Variants in MSANTD5 observed in about 807,000 individuals in gnomAD.
The protein encoded by MSANTD5 is uncharacterized protein MSANTD5.
At chr5:178,695,377 G>T (rs1765401160) in exon 3 of MSANTD5, 1 of 152,200 alleles carries the variant, frequency 6.6e-6, no homozygotes, top group Non-Finnish European at 1.5e-5. Context: ...CTTGGCCTCT[G>T]GTTGGCCTCC....
In MSANTD5 at chr5:178,695,613, G is replaced by C. The variant is rs906683294; in HGVS notation, c.92-15C>G. 6.6e-6 allele frequency: 1 copy of C among 152,288 alleles called. No homozygotes were observed. The highest frequency in any genetic ancestry group is 2.4e-5 in the African/African-American group (1 of 41,552). 9.4% of individuals were successfully genotyped at this position (152,288 alleles called of 1,614,324 possible). On this transcript the variant is annotated splice_polypyrimidine_tract_variant and intron_variant, in intron 2 of 3. Coordinates refer to ENST00000648368, the Ensembl canonical transcript of MSANTD5. ...AACTGACTGGACTGGAAGGAAAGAG[G>C]AATATGGATGTACTTGGCATAACTC...
downstream of MSANTD5, among the ~76,000 whole-genome samples, chr5:178,693,127 T>C (rs867288385): frequency 9.9e-5 from 15 of 151,908 alleles, 1 homozygote; most frequent in Middle Eastern, 0.01. Context: ...CTGACCAACA[T>C]AGAGAAACCC....
upstream of MSANTD5, among the ~76,000 whole-genome samples, chr5:178,697,945 CGGCAG>C (rs1256580427): frequency 3.3e-5 from 5 of 152,164 alleles, no homozygotes; most frequent in Non-Finnish European, 7.4e-5. Context: ...GAGATCAACT[CGGCAG>C]GGGTTCTAAG....
chr5:178,692,117 T>A (rs74982486), downstream of MSANTD5, among the ~76,000 whole-genome samples: 2 of 129,892 alleles, frequency 1.5e-5, 1 homozygote, highest in Non-Finnish European at 3.4e-5. Context: ...CTGTGGCTCA[T>A]GCCTGTAATC....
At chr5:178,693,391 T>C (rs968260566), downstream of MSANTD5, among the ~76,000 whole-genome samples, 2 of 152,084 alleles carry the variant, frequency 1.3e-5, no homozygotes, top group African/African-American at 2.4e-5. Context: ...TGAAGCCATG[T>C]ACCTTCGCGG....
At chr5:178,703,768 G>T in the MSANTD5 span, among the ~76,000 whole-genome samples, 3,353 of 152,104 alleles carry the variant, frequency 0.022, 58 homozygotes, top group Non-Finnish European at 0.034. Flanking sequence ...GGATCATGAG[G>T]TCAGGAGATC....
At chr5:178,698,097 T>G (rs1765438469), upstream of MSANTD5, among the ~76,000 whole-genome samples, 1 of 152,154 alleles carries the variant, frequency 6.6e-6, no homozygotes, top group Non-Finnish European at 1.5e-5. Flanking sequence ...TTAATTGCGA[T>G]GTAAGGATTA....
At chr5:178,703,892 A>G in the MSANTD5 span, among the ~76,000 whole-genome samples, 1 of 151,750 alleles carries the variant, frequency 6.6e-6, no homozygotes, top group Non-Finnish European at 1.5e-5. Context: ...GAGGCAGGAG[A>G]ATTGCTTGAA....
At chr5:178,693,080 C>T (rs182541017), downstream of MSANTD5, among the ~76,000 whole-genome samples, 13 of 151,990 alleles carry the variant, frequency 8.6e-5, no homozygotes, top group South Asian at 1.0e-3. Flanking sequence ...GAGGCTGAGG[C>T]GGGCGGATCA....
downstream of MSANTD5, among the ~76,000 whole-genome samples, chr5:178,694,407 C>T (rs1249501052): frequency 6.6e-6 from 1 of 151,906 alleles, no homozygotes; most frequent in African/African-American, 2.4e-5. Flanking sequence ...AAAAGTTATC[C>T]CTTACTACAA....
upstream of MSANTD5, among the ~76,000 whole-genome samples, chr5:178,702,551 G>A (rs1169339474): frequency 9.9e-5 from 15 of 150,808 alleles, no homozygotes; most frequent in Admixed American, 2.6e-4. Flanking sequence ...CGCCTGCCTC[G>A]CCCTCCCAAA....
chr5:178,697,265 T>C (rs113520342), intron 1 of MSANTD5, among the ~76,000 whole-genome samples: 1 of 150,878 alleles, frequency 6.6e-6, no homozygotes, highest in Non-Finnish European at 1.5e-5. Flanking sequence ...CCATCCTGGC[T>C]AACACGGTGA....
At chr5:178,693,496 A>C (rs866507812), downstream of MSANTD5, among the ~76,000 whole-genome samples, 2 of 152,006 alleles carry the variant, frequency 1.3e-5, no homozygotes, top group Non-Finnish European at 2.9e-5. Flanking sequence ...GGTCTCACTG[A>C]CTTCAACAAT....
exon 1 of MSANTD5, chr5:178,697,686 C>G (rs1219193063): frequency 1.3e-5 from 2 of 152,166 alleles, no homozygotes; most frequent in East Asian, 1.9e-4. Context: ...TTACTCTCCT[C>G]TAGTGGAACC....
At chr5:178,693,185 C>T (rs373058148), downstream of MSANTD5, among the ~76,000 whole-genome samples, 9 of 151,982 alleles carry the variant, frequency 5.9e-5, 1 homozygote, top group South Asian at 8.3e-4. Flanking sequence ...TGGTGGCGCA[C>T]GCCTGTAATC....
chr5:178,699,026 G>GACAGAGAAGA (rs1257976351), upstream of MSANTD5, among the ~76,000 whole-genome samples: 2 of 151,998 alleles, frequency 1.3e-5, no homozygotes, highest in East Asian at 3.9e-4. Context: ...ATGCCCATAT[G>GACAGAGAAGA]GTCAGGAAAC....
At chr5:178,700,767 G>C (rs4288133), upstream of MSANTD5, among the ~76,000 whole-genome samples, 143,473 of 152,260 alleles carry the variant, frequency 0.94, 67,732 homozygotes, top group Middle Eastern at 0.97. Flanking sequence ...GGAGAGGCTC[G>C]GAAGGCCAGG....
At chr5:178,703,156 C>T in the MSANTD5 span, among the ~76,000 whole-genome samples, 1 of 152,246 alleles carries the variant, frequency 6.6e-6, no homozygotes, top group African/African-American at 2.4e-5. Flanking sequence ...GCCAGGTCCT[C>T]AGGGCTGCTG....
chr5:178,696,805 A>G (rs1299788766), intron 1 of MSANTD5, among the ~76,000 whole-genome samples: 1 of 151,854 alleles, frequency 6.6e-6, no homozygotes, highest in Non-Finnish European at 1.5e-5. Context: ...GAGAGGGTGG[A>G]GAGAGGGAAG....
Sources: allele counts gnomAD v4.1 joint callset (sites outside exome capture counted in the v4.1 genomes callset), GRCh38; gene constraint gnomAD v4.1.1; transcripts MANE v1.5; gene names NCBI Gene and HGNC (gene_info 2026-07-23, HGNC 2026-07-21).